Variants in PDE4D observed in about 807,000 individuals in gnomAD.
The protein encoded by PDE4D is phosphodiesterase 4D.
Under a neutral mutation model 87.4 loss-of-function variants are expected in PDE4D, and 24 were observed. The ratio of observed to expected loss-of-function variants is 0.27; its 90% CI spans 0.20 to 0.39. The LOEUF (loss-of-function observed/expected upper bound fraction) is 0.39, where lower values mean the gene tolerates loss of function less well. PDE4D is among the 10% of genes least tolerant of loss of function. PDE4D has a pLI of 1.00. For synonymous variants in PDE4D, 384 were observed against 383.2 expected (o/e 1.00, Z -0.02); for missense variants, 714 against 1,041.0 (o/e 0.69, Z 4.32).
intron 1 of PDE4D, among the ~76,000 whole-genome samples, chr5:59,406,395 T>TTCCCCCCCC (rs1791654270): frequency 6.0e-5 from 2 of 33,230 alleles, no homozygotes; most frequent in Non-Finnish European, 5.5e-5. Flanking sequence ...TATCTTTCCT[T>TTCCCCCCCC]CCCCCCCCCC....
At chr5:59,792,906 G>A (rs183267200) in intron 1 of PDE4D, among the ~76,000 whole-genome samples, 50 of 152,280 alleles carry the variant, frequency 3.3e-4, no homozygotes, top group African/African-American at 1.2e-3. Context: ...GAAGGTGGCT[G>A]TGTTAAAAAA....
chr5:60,075,412 T>C lies in PDE4D; in HGVS notation c.43-86695A>G, dbSNP rs1773179543. Among the ~76,000 whole-genome samples the C allele has an allele frequency of 2.0e-5, 3 of 152,282 alleles. No homozygotes were observed. In the South Asian group the frequency reaches 6.2e-4, roughly 32 times the overall value. ...GAAGGACTTCCCTTTGTAGGTGGCC[T>C]GTCCTTTCTCTATAGCTACCTTTAA... On this transcript the variant is annotated intron_variant, in intron 2 of 16. Coordinates refer to the PDE4D transcript ENST00000502484.
chr5:59,065,761 T>C (rs1293076995), intron 5 of PDE4D, among the ~76,000 whole-genome samples: 1 of 152,198 alleles, frequency 6.6e-6, no homozygotes, highest in Non-Finnish European at 1.5e-5. Flanking sequence ...TGTTTGATGA[T>C]ATCATTCACA....
intron 1 of PDE4D, among the ~76,000 whole-genome samples, chr5:59,629,175 G>A (rs1473512861): frequency 6.6e-6 from 1 of 152,086 alleles, no homozygotes; most frequent in African/African-American, 2.4e-5. Flanking sequence ...TACATCAGTG[G>A]TCAAGCATGG....
intron 1 of PDE4D, among the ~76,000 whole-genome samples, chr5:59,528,495 AGTTAAGTGCAGGATGTCACAACGATAC>A (rs1389499665): frequency 6.6e-6 from 1 of 152,180 alleles, no homozygotes; most frequent in African/African-American, 2.4e-5. Flanking sequence ...AAGCCCTTTT[AGTTAAGTGCAGGATGTCACAACGATAC>A]GATGTGGCAG....
intron 5 of PDE4D, among the ~76,000 whole-genome samples, chr5:59,093,620 A>G (rs1024064834): frequency 1.3e-5 from 2 of 151,710 alleles, no homozygotes; most frequent in African/African-American, 2.4e-5. Flanking sequence ...CAACAGTGCA[A>G]CCCTACAGTT....
chr5:59,123,642 C>T (rs1401414963), intron 5 of PDE4D, among the ~76,000 whole-genome samples: 2 of 152,172 alleles, frequency 1.3e-5, no homozygotes, highest in African/African-American at 4.8e-5. Flanking sequence ...GTTTTATCCT[C>T]ATTTCTAAAG....
At chr5:59,394,437 T>C (rs995695764) in intron 1 of PDE4D, among the ~76,000 whole-genome samples, 1 of 152,212 alleles carries the variant, frequency 6.6e-6, no homozygotes, top group Non-Finnish European at 1.5e-5. Context: ...GACAGCCTGG[T>C]ATTTTCTTTT....
chr5:59,327,671 G>T (rs1775966417), intron 1 of PDE4D, among the ~76,000 whole-genome samples: 1 of 152,126 alleles, frequency 6.6e-6, no homozygotes, highest in Non-Finnish European at 1.5e-5. Context: ...CTCAAGAAAT[G>T]CCTCTCCAAT....
chr5:60,299,736 C>A (rs1299196894), intron 1 of PDE4D, among the ~76,000 whole-genome samples: 2 of 152,108 alleles, frequency 1.3e-5, no homozygotes, highest in Non-Finnish European at 2.9e-5. Context: ...TGAACTCATC[C>A]TTTTTTATGG....
At chr5:59,511,249 C>T (rs533284103) in intron 1 of PDE4D, among the ~76,000 whole-genome samples, 4 of 151,704 alleles carry the variant, frequency 2.6e-5, no homozygotes, top group South Asian at 4.2e-4. Context: ...CAAAAAGTTT[C>T]GATTAAGTCA....
At chr5:60,341,362 A>G (rs1758301214) in intron 1 of PDE4D, among the ~76,000 whole-genome samples, 1 of 152,152 alleles carries the variant, frequency 6.6e-6, no homozygotes, top group African/African-American at 2.4e-5. Flanking sequence ...TATCCATGCC[A>G]CGGTGACTGT....
chr5:58,991,293 CA>C (rs56087121), intron 8 of PDE4D, among the ~76,000 whole-genome samples: 1 of 147,124 alleles, frequency 6.8e-6, no homozygotes, highest in Non-Finnish European at 1.5e-5. Flanking sequence ...TGTCTCAAAA[CA>C]AACAAAACAA....
At chr5:59,951,324 T>C (rs1041234955) in intron 3 of PDE4D, among the ~76,000 whole-genome samples, 1 of 152,208 alleles carries the variant, frequency 6.6e-6, no homozygotes, top group African/African-American at 2.4e-5. Flanking sequence ...AATTTAGAGA[T>C]TGCACTCCAG....
chr5:58,975,552 G>A lies in PDE4D; in HGVS notation c.2013+105C>T. The A allele has an allele frequency of 1.1e-6, 1 of 920,440 alleles. No homozygotes were observed. Among genetic ancestry groups the A allele is most frequent in the Non-Finnish European group, 1.5e-6 (1 of 667,052 alleles). The allele number at this position is 920,440 out of a possible 1,614,324, so 57.0% of individuals were successfully genotyped here. A position where few individuals can be genotyped will look rare whatever the true frequency, so the allele number is the denominator to read the frequency against. On this transcript the variant is annotated intron_variant, in intron 14 of 14. Transcript: ENST00000340635. This position sits in a 1 kb window ranked among gnomAD's most constrained non-coding sequence, Gnocchi z 4.2. ...TGAAATTGAGCTTGTCAAAAACAAA[G>A]TAATTTTAAAAATCCAGTAAAATAC...
At chr5:59,636,211 A>G (rs538961056) in intron 1 of PDE4D, among the ~76,000 whole-genome samples, 1 of 152,274 alleles carries the variant, frequency 6.6e-6, no homozygotes, top group South Asian at 2.1e-4. Context: ...ACTACAAACC[A>G]CTGCCCAAGG....
At chr5:60,292,496 A>G (rs902023722) in intron 1 of PDE4D, among the ~76,000 whole-genome samples, 1 of 152,218 alleles carries the variant, frequency 6.6e-6, no homozygotes, top group African/African-American at 2.4e-5. Context: ...AGAAAATGGT[A>G]TACATCTGAA....
intron 1 of PDE4D, among the ~76,000 whole-genome samples, chr5:60,473,120 AAAGAAAGGAAGGAAGG>A (rs1240486411): frequency 5.3e-5 from 3 of 57,028 alleles, no homozygotes; most frequent in South Asian, 4.9e-4. Flanking sequence ...AGAGAGAGAG[AAAGAAAGGAAGGAAGG>A]AAGGAAGGAA....
At chr5:59,139,093 T>C (rs113618621) in intron 5 of PDE4D, among the ~76,000 whole-genome samples, 120 of 152,228 alleles carry the variant, frequency 7.9e-4, no homozygotes, top group African/African-American at 2.6e-3. Context: ...CAGGAAACTA[T>C]ACACTGCAGG....
Sources: gnomAD v4.1 joint callset for allele counts (sites outside exome capture counted in the v4.1 genomes callset) on GRCh38, gnomAD v4.1.1 for gene constraint, Gnocchi (gnomAD v3.1) non-coding constraint, MANE v1.5 for transcripts, NCBI Gene and HGNC (gene_info 2026-07-23, HGNC 2026-07-21) for gene names.